The following ZNF564 variants were observed in gnomAD, a reference collection of about 807,000 sequenced individuals.
ZNF564 encodes the protein zinc finger protein 564.
In ZNF564, 5 loss-of-function variants were observed where a neutral mutation model predicts 10.5. The observed-to-expected ratio is 0.48, with a 90% CI of 0.25 to 1.00. The LOEUF (loss-of-function observed/expected upper bound fraction) is 1.00. Among genes scored for constraint, ZNF564 ranks in the 50% least tolerant of loss-of-function variants. The pLI is 0.16. For synonymous variants in ZNF564, 242 were observed against 218.1 expected (o/e 1.11, Z -0.97); for missense variants, 603 against 669.7 (o/e 0.90, Z 1.10).
chr19:12,530,500 C>G (rs1374849143), intron 1 of ZNF564, among the ~76,000 whole-genome samples: 1 of 152,058 alleles, frequency 6.6e-6, no homozygotes, highest in African/African-American at 2.4e-5. Flanking sequence ...TTTTTTCTGG[C>G]AGATACATAA....
At chr19:12,530,211 C>G (rs2021775224) in intron 1 of ZNF564, 1 of 152,164 alleles carries the variant, frequency 6.6e-6, no homozygotes, top group African/African-American at 2.4e-5. Context: ...GTAGACAGAT[C>G]AAGTTGGTTG....
At chr19:12,545,141 A>T (rs1015102946) in intron 1 of ZNF564, among the ~76,000 whole-genome samples, 1 of 152,016 alleles carries the variant, frequency 6.6e-6, no homozygotes, top group Non-Finnish European at 1.5e-5. Flanking sequence ...GCATGCCTAT[A>T]ATCCCAGCTA....
rs556167654 is a variant in ZNF564 at position 12,549,318 on chromosome 19, A to G, written c.3+2012T>C. Among the ~76,000 whole-genome samples the G allele has an allele frequency of 3.3e-5, 5 of 152,332 alleles. No individual in the cohort carries two copies. In the South Asian group the frequency reaches 1.0e-3, roughly 32 times the overall value. ...CAGGGAGAGGCAATGCTGACCTGGA[A>G]TACAGACATTTATCTGATTCCAATG... On this transcript the variant is annotated intron_variant, in intron 1 of 3. Coordinates refer to ENST00000339282, the MANE Select transcript of ZNF564 (RefSeq NM_144976.4).
chr19:12,528,254 C>A, intron 3 of ZNF564, 50 bp downstream of exon 3: 1 of 1,516,140 alleles, frequency 6.6e-7, no homozygotes, highest in East Asian at 2.3e-5. Flanking sequence ...TTTAAAATTT[C>A]ATGACATACT....
chr19:12,526,136 T>C lies in ZNF564; in HGVS notation c.*310A>G, dbSNP rs1176891554. 8.4e-6 allele frequency: 2 copies of C among 237,318 alleles called. No homozygotes were observed. The highest frequency in any genetic ancestry group is 1.6e-5 in the Non-Finnish European group (2 of 121,660). The allele number at this position is 237,318 out of a possible 1,614,324, so 14.7% of individuals were successfully genotyped here. On this transcript the variant is annotated 3_prime_UTR_variant, in exon 4 of 4. Transcript: ENST00000339282. The stretch of plus-strand genomic sequence containing the variant: ...TCTCATCCCAAAGGCCTCAAAAGTC[T>C]CAGTTAATTCCAGCATGAAGCCTAA...
chr19:12,542,014 C>CG (rs1446578641), intron 1 of ZNF564, among the ~76,000 whole-genome samples: 1 of 56,266 alleles, frequency 1.8e-5, no homozygotes, highest in African/African-American at 8.4e-5. Context: ...AGACTCTGTC[C>CG]AAAAAAAAAA....
rs139944354 is a variant in ZNF564, at chr19:12,528,977, A to T, written c.4-281T>A. On this transcript the variant is annotated intron_variant, in intron 1 of 3. Transcript: ENST00000339282. Reference sequence around the variant, plus strand: ...CTACTCAGGAGGCTGAGGCAGGGGAATCGCTTAAACAAGGGAGGCAGAGGT... The same window carrying T: ...CTACTCAGGAGGCTGAGGCAGGGGATTCGCTTAAACAAGGGAGGCAGAGGT... Among the ~76,000 whole-genome samples, 18 of 152,318 alleles carry T rather than the reference A, an allele frequency of 1.2e-4. No individual in the cohort carries two copies. In the East Asian group the frequency reaches 3.5e-3, roughly 29 times the overall value.
At chr19:12,542,734 T>C (rs1323708134) in intron 1 of ZNF564, among the ~76,000 whole-genome samples, 3 of 152,060 alleles carry the variant, frequency 2.0e-5, no homozygotes, top group African/African-American at 7.2e-5. Context: ...CCGGGCACCA[T>C]AGCTCATGCC....
Position 12,526,702 on chromosome 19 carries a change from C to A in ZNF564, c.1406G>T (p.Arg469Ile), listed in dbSNP as rs2021691270. The change falls in exon 4 of 4, where the codon AGA becomes ATA. Residue 469 changes from arginine (R) to isoleucine (I), a missense_variant. Arg to Ile is a moderately conservative substitution (Grantham distance 97). Coordinates refer to ENST00000339282, the MANE Select transcript of ZNF564 (RefSeq NM_144976.4). ...DCPSSVRTHE[R>I]THTGEKPYEC... ...ATAGGGTTTTTCTCCAGTATGAGTT[C>A]TTTCATGTGTTCGGACAGAACTAGG... 2.5e-6 allele frequency: 4 copies of A among 1,614,182 alleles called. No homozygotes were observed. The highest frequency in any genetic ancestry group is 3.4e-6 in the Non-Finnish European group (4 of 1,180,034).
At chr19:12,531,696 C>T (rs2021805285) in intron 1 of ZNF564, among the ~76,000 whole-genome samples, 1 of 151,944 alleles carries the variant, frequency 6.6e-6, no homozygotes, top group Non-Finnish European at 1.5e-5. Flanking sequence ...CATATGATTA[C>T]AAAATATGTC....
At chr19:12,537,019 T>C (rs1032413463) in intron 1 of ZNF564, among the ~76,000 whole-genome samples, 13 of 152,202 alleles carry the variant, frequency 8.5e-5, no homozygotes, top group African/African-American at 3.1e-4. Flanking sequence ...GCAGCAATCT[T>C]TCGGTCTCTA....
At position 12,527,830 on chromosome 19, in the gene ZNF564, T is replaced by C. The variant is rs2021721064; in HGVS notation, c.278A>G (p.Asn93Ser). The change falls in exon 4 of 4, where the codon AAC becomes AGC. Residue 93 changes from asparagine to serine, a missense_variant. Coordinates refer to ENST00000339282, the MANE Select transcript of ZNF564 (RefSeq NM_144976.4). ...AFSQILNLNL[N>S]KKIPTIVRPC... ...TCTTACTATAGTAGGAATTTTCTTG[T>C]TCAGATTAAGATTGAGAATCTGACT... is the stretch of plus-strand genomic sequence containing the variant. The C allele has an allele frequency of 1.9e-6, 3 of 1,614,158 alleles. No homozygotes were observed. Among genetic ancestry groups the C allele is most frequent in the Middle Eastern group, 3.3e-4 (2 of 6,062 alleles).
chr19:12,550,186 G>T, intron 1 of ZNF564: 1 of 152,638 alleles, frequency 6.6e-6, no homozygotes, highest in South Asian at 2.0e-4. Flanking sequence ...CAGTTACACG[G>T]GAGGCTGAGG....
At position 12,539,251 on chromosome 19, in the gene ZNF564, A is replaced by C. The variant is rs558425157; in HGVS notation, c.4-10555T>G. Among the ~76,000 whole-genome samples the C allele has an allele frequency of 7.1e-3, 1,067 of 149,648 alleles. 9 individuals carry two copies. Among genetic ancestry groups the C allele is most frequent in the Non-Finnish European group, 0.011 (722 of 67,338 alleles). On this transcript the variant is annotated intron_variant, in intron 1 of 3. Coordinates refer to ENST00000339282, the MANE Select transcript of ZNF564 (RefSeq NM_144976.4). ...ACGAGACTCCATCTCAAAAAAAAAA[A>C]AAAAAAAATAGGGGAGGTAGGGAAA... is the stretch of plus-strand genomic sequence containing the variant.
intron 1 of ZNF564, among the ~76,000 whole-genome samples, chr19:12,544,032 T>A (rs73002314): frequency 0.06 from 9,178 of 152,174 alleles, 319 homozygotes; most frequent in African/African-American, 0.098. Context: ...TGCCAGCACT[T>A]GAACTTGGAC....
chr19:12,529,406 C>A (rs1282271358), intron 1 of ZNF564, among the ~76,000 whole-genome samples: 7 of 151,750 alleles, frequency 4.6e-5, no homozygotes, highest in Non-Finnish European at 5.9e-5. Flanking sequence ...GAGTTTGAGA[C>A]CAGCCTGACC....
In ZNF564 at chr19:12,527,173, T is replaced by C; in HGVS notation, c.935A>G (p.Lys312Arg). Residue 312 changes from lysine (K) to arginine (R), a missense_variant, in exon 4 of 4, where the codon AAA becomes AGA. By Grantham distance (26) the Lys-to-Arg change is conservative. Coordinates refer to ENST00000339282, the MANE Select transcript of ZNF564 (RefSeq NM_144976.4). ...AAAAATAAAGGCTCTCCCACATACTTTACATTTATAAGGTCCATCCCCAGT... is the reference window on the plus strand; with the variant it reads ...AAAAATAAAGGCTCTCCCACATACTCTACATTTATAAGGTCCATCCCCAGT... ...RHTGDGPYKCKVCGRAFIFPS... is the reference protein window; with the variant it reads ...RHTGDGPYKCRVCGRAFIFPS... The C allele has an allele frequency of 6.2e-7, 1 of 1,614,158 alleles. No homozygotes were observed. Among genetic ancestry groups the C allele is most frequent in the Non-Finnish European group, 8.5e-7 (1 of 1,180,018 alleles).
chr19:12,544,841 A>C (rs2022120505), intron 1 of ZNF564, among the ~76,000 whole-genome samples: 1 of 152,180 alleles, frequency 6.6e-6, no homozygotes, highest in Non-Finnish European at 1.5e-5. Context: ...AAGGAGAACT[A>C]TCCTTTCTCT....
At chr19:12,537,010 C>T (rs1320679774) in intron 1 of ZNF564, among the ~76,000 whole-genome samples, 2 of 152,198 alleles carry the variant, frequency 1.3e-5, no homozygotes, top group Non-Finnish European at 2.9e-5. Context: ...CCTTGATAAG[C>T]AGCAATCTTT....
Sources: allele counts gnomAD v4.1 joint callset (sites outside exome capture counted in the v4.1 genomes callset), GRCh38; gene constraint gnomAD v4.1.1; transcripts MANE v1.5; gene names NCBI Gene and HGNC (gene_info 2026-07-23, HGNC 2026-07-21).